The following ZNF680 variants were observed in gnomAD, a reference collection of about 807,000 sequenced individuals.
The protein encoded by ZNF680 is zinc finger protein 680.
ZNF680 carries 6 observed loss-of-function variants against 12.1 expected under a neutral mutation model. The observed-to-expected ratio is 0.49, with a 90% CI of 0.27 to 0.98. The LOEUF is 0.98. Among genes scored for constraint, ZNF680 ranks in the 50% least tolerant of loss-of-function variants. ZNF680 has a pLI of 0.12. For synonymous variants in ZNF680, 170 were observed against 199.3 expected, an observed-to-expected ratio of 0.85 and a Z score of 1.24; for missense variants, 561 against 616.3, an observed-to-expected ratio of 0.91 and a Z score of 0.95.
At chr7:64,511,949 C>T in the ZNF680 span, among the ~76,000 whole-genome samples, 1 of 151,654 alleles carries the variant, frequency 6.6e-6, no homozygotes, top group South Asian at 2.1e-4. Flanking sequence ...ATCCCAGCTA[C>T]TCGGGAGGCT....
chr7:64,522,886 A>G (rs1791621664), intron 3 of ZNF680, among the ~76,000 whole-genome samples: 1 of 151,982 alleles, frequency 6.6e-6, no homozygotes, highest in South Asian at 2.1e-4. Context: ...AAAAAAATAG[A>G]TATCAAATGA....
chr7:64,525,204 T>G (rs2116383587), intron 3 of ZNF680: 1 of 152,270 alleles, frequency 6.6e-6, no homozygotes, highest in East Asian at 1.9e-4. Context: ...AAACGTACAC[T>G]AGTAGAACAG....
At chr7:64,562,348 T>C (rs1342459998) in intron 1 of ZNF680, among the ~76,000 whole-genome samples, 2 of 152,112 alleles carry the variant, frequency 1.3e-5, no homozygotes, top group Non-Finnish European at 2.9e-5. Flanking sequence ...TCCGATTACA[T>C]AACCAGAAAA....
chr7:64,507,876 CACAT>C, the ZNF680 span, among the ~76,000 whole-genome samples: 97 of 116,188 alleles, frequency 8.3e-4, no homozygotes, highest in African/African-American at 2.3e-3. Flanking sequence ...CACACACACA[CACAT>C]TTTTTTATTT....
the ZNF680 span, among the ~76,000 whole-genome samples, chr7:64,510,469 C>T: frequency 1.3e-5 from 2 of 151,794 alleles, no homozygotes; most frequent in Non-Finnish European, 2.9e-5. Context: ...AAATTAGTTG[C>T]AAAAACAGGC....
At chr7:64,546,652 A>G (rs975855008) in intron 1 of ZNF680, among the ~76,000 whole-genome samples, 3 of 152,210 alleles carry the variant, frequency 2.0e-5, no homozygotes, top group Non-Finnish European at 2.9e-5. Context: ...CAGAGGCAGG[A>G]GAATTGCTAG....
At chr7:64,532,068 G>A (rs1785913102) in intron 3 of ZNF680, among the ~76,000 whole-genome samples, 2 of 152,186 alleles carry the variant, frequency 1.3e-5, no homozygotes, top group South Asian at 4.1e-4. Flanking sequence ...TACTTTGGGA[G>A]GCCCAGGGGG....
At chr7:64,501,463 G>A in the ZNF680 span, 1 of 910,334 alleles carries the variant, frequency 1.1e-6, no homozygotes, top group South Asian at 1.3e-5. Flanking sequence ...GGAAAACCTG[G>A]AAAAATTTAA....
At chr7:64,529,003 C>A (rs772163639) in intron 3 of ZNF680, among the ~76,000 whole-genome samples, 7 of 152,154 alleles carry the variant, frequency 4.6e-5, no homozygotes, top group Non-Finnish European at 1.0e-4. Context: ...CACAGAACTC[C>A]GGGCAGACAA....
chr7:64,531,631 C>CA (rs1448640386), intron 3 of ZNF680, among the ~76,000 whole-genome samples: 9 of 149,766 alleles, frequency 6.0e-5, no homozygotes, highest in African/African-American at 1.5e-4. Flanking sequence ...AAATCAACTC[C>CA]AAAAAAACCT....
chr7:64,554,027 C>G (rs577156170), intron 1 of ZNF680, among the ~76,000 whole-genome samples: 1 of 151,498 alleles, frequency 6.6e-6, no homozygotes, highest in Non-Finnish European at 1.5e-5. Context: ...AAGTGAGGAG[C>G]GTCTCTGCCT....
intron 3 of ZNF680, among the ~76,000 whole-genome samples, chr7:64,535,522 TAC>T (rs1786118512): frequency 6.6e-6 from 1 of 152,048 alleles, no homozygotes; most frequent in African/African-American, 2.4e-5. Flanking sequence ...ATGTTCTCTA[TAC>T]GAGACTCATT....
intron 3 of ZNF680, among the ~76,000 whole-genome samples, chr7:64,524,042 TGA>T (rs35387714): frequency 2.8e-5 from 4 of 143,628 alleles, no homozygotes; most frequent in Non-Finnish European, 6.3e-5. Context: ...ATTAATCAAA[TGA>T]GAGAAGAAGA....
At chr7:64,554,092 G>A (rs62461521) in intron 1 of ZNF680, among the ~76,000 whole-genome samples, 1 of 151,610 alleles carries the variant, frequency 6.6e-6, no homozygotes, top group African/African-American at 2.4e-5. Flanking sequence ...CCCAGTCTGG[G>A]AAGTGAGGAG....
chr7:64,528,626 G>T (rs1785691787), intron 3 of ZNF680, among the ~76,000 whole-genome samples: 1 of 152,038 alleles, frequency 6.6e-6, no homozygotes, highest in Non-Finnish European at 1.5e-5. Context: ...TAAATCCATT[G>T]ACCTGGGAAC....
chr7:64,543,772 GT>G lies in ZNF680; in HGVS notation c.187del (p.Thr63ProfsTer18). On this transcript the variant is annotated frameshift_variant, in exon 3 of 4. Coordinates refer to ENST00000309683, the MANE Select transcript of ZNF680 (RefSeq NM_178558.5). LOFTEE classifies it high-confidence loss of function. Reference protein sequence around the residue: ...GIAVSKPHLITCLEQGKEPWN... With the variant: ...GIAVSKPHLIXCLEQGKEPWN... ...GGGCTCTTTTCCTTGCTCCAAACAG[GT>G]TATCAGGTGAGGCTTAGAGACAGCA... The G allele has an allele frequency of 6.2e-7, 1 of 1,613,372 alleles. No homozygotes were observed. Among genetic ancestry groups the G allele is most frequent in the Non-Finnish European group, 8.5e-7 (1 of 1,179,696 alleles).
At chr7:64,501,997 C>CT in the ZNF680 span, among the ~76,000 whole-genome samples, 26,229 of 102,458 alleles carry the variant, frequency 0.26, 4,434 homozygotes, top group African/African-American at 0.38. Context: ...GGACGTATTT[C>CT]TTTTTTTTTT....
At chr7:64,554,537 T>G (rs981681997) in intron 1 of ZNF680, among the ~76,000 whole-genome samples, 1 of 152,168 alleles carries the variant, frequency 6.6e-6, no homozygotes, top group Non-Finnish European at 1.5e-5. Context: ...AATGGCGGTT[T>G]TTGTCGAATA....
the ZNF680 span, chr7:64,501,140 C>A: frequency 3.0e-4 from 272 of 919,092 alleles, 3 homozygotes; most frequent in Middle Eastern, 2.6e-3. Context: ...ATGTATGGGT[C>A]AGTAACAGAA....
Sources: allele counts gnomAD v4.1 joint callset (sites outside exome capture counted in the v4.1 genomes callset), GRCh38; gene constraint gnomAD v4.1.1; transcripts MANE v1.5; gene names NCBI Gene and HGNC (gene_info 2026-07-23, HGNC 2026-07-21).